RFX3: variants seen among roughly 807,000 people sequenced by gnomAD.
The protein encoded by RFX3 is regulatory factor X3.
Under a neutral mutation model 98.6 loss-of-function variants are expected in RFX3, and 14 were observed. That is an observed-to-expected ratio of 0.14 (90% CI 0.09 to 0.22). RFX3 has a LOEUF of 0.22. Among genes scored for constraint, RFX3 ranks in the 10% least tolerant of loss-of-function variants. The probability of loss-of-function intolerance (pLI) is 1.00; values close to 1 mark genes in which losing one functional copy is unlikely to be tolerated. For synonymous variants in RFX3, 383 were observed against 328.4 expected (o/e 1.17, Z -1.80); for missense variants, 639 against 926.9 (o/e 0.69, Z 4.03).
Position 3,400,823 on chromosome 9 carries a change from G to A in RFX3, c.-8-5227C>T, listed in dbSNP as rs545522263. ...TTCAGAAGAACCCCCTGATGGAGGT[G>A]TTATCCCCATTTAACAAATAAAGAA... On this transcript the variant is annotated intron_variant, in intron 1 of 16. Coordinates refer to ENST00000617270, the MANE Select transcript of RFX3 (RefSeq NM_001282116.2). Among the ~76,000 whole-genome samples, 4 of 152,270 alleles carry A rather than the reference G, an allele frequency of 2.6e-5. No individual in the cohort carries two copies. In the South Asian group the frequency reaches 8.3e-4, roughly 32 times the overall value.
chr9:3,520,176 A>T (rs914213668), intron 1 of RFX3, among the ~76,000 whole-genome samples: 1 of 152,208 alleles, frequency 6.6e-6, no homozygotes. Flanking sequence ...TTAAAGAAAA[A>T]TGCCTAACCT....
At chr9:3,260,901 T>C (rs769582852) in intron 13 of RFX3, among the ~76,000 whole-genome samples, 12 of 150,082 alleles carry the variant, frequency 8.0e-5, no homozygotes, top group African/African-American at 2.9e-4. Context: ...TAGATAGATA[T>C]AGATCTCTCT....
intron 2 of RFX3, among the ~76,000 whole-genome samples, chr9:3,348,773 C>CT (rs145107393): frequency 6.6e-6 from 1 of 151,996 alleles, no homozygotes; most frequent in African/African-American, 2.4e-5. Context: ...TCCTAGCAAT[C>CT]TTTTTTTCTT....
intron 1 of RFX3, among the ~76,000 whole-genome samples, chr9:3,473,270 C>T (rs1848943303): frequency 1.3e-5 from 2 of 152,178 alleles, no homozygotes; most frequent in South Asian, 2.1e-4. Context: ...CAAGTATTAG[C>T]TGCTACAGAG....
intron 2 of RFX3, among the ~76,000 whole-genome samples, chr9:3,365,078 G>C (rs529388380): frequency 6.6e-5 from 10 of 152,062 alleles, no homozygotes; most frequent in Non-Finnish European, 1.3e-4. Flanking sequence ...GGGACAGGTG[G>C]ATCACAAGGT....
At chr9:3,512,554 AAAT>A (rs1375513538) in intron 1 of RFX3, among the ~76,000 whole-genome samples, 1 of 151,932 alleles carries the variant, frequency 6.6e-6, no homozygotes, top group African/African-American at 2.4e-5. Context: ...TGTAATAATA[AAAT>A]AATTACAAGA....
intron 1 of RFX3, among the ~76,000 whole-genome samples, 193 bp from the exon 2 acceptor site, chr9:3,395,789 T>C (rs1353665148): frequency 1.3e-5 from 2 of 152,154 alleles, no homozygotes; most frequent in East Asian, 3.8e-4. Context: ...CTAATCCACA[T>C]TCTTTAAAAA....
intron 15 of RFX3, among the ~76,000 whole-genome samples, chr9:3,244,130 G>A (rs1375124733): frequency 5.3e-5 from 8 of 151,830 alleles, no homozygotes; most frequent in Non-Finnish European, 1.2e-4. Context: ...AGCCTCCCGA[G>A]TAGCTGGGAC....
chr9:3,232,799 AG>A (rs1358926611), intron 15 of RFX3, among the ~76,000 whole-genome samples: 1 of 143,510 alleles, frequency 7.0e-6, no homozygotes, highest in Non-Finnish European at 1.5e-5. Context: ...AGAGAGAGAG[AG>A]AAATGGGATG....
intron 1 of RFX3, among the ~76,000 whole-genome samples, chr9:3,425,102 G>A (rs1587630107): frequency 6.6e-6 from 1 of 152,242 alleles, no homozygotes; most frequent in East Asian, 1.9e-4. Context: ...GCCAGGCATG[G>A]TGGCCCACAT....
At chr9:3,340,967 C>T (rs1215490225) in intron 3 of RFX3, among the ~76,000 whole-genome samples, 7 of 152,204 alleles carry the variant, frequency 4.6e-5, no homozygotes, top group East Asian at 3.9e-4. Context: ...ATGTTTATTG[C>T]GGCACTATTC....
At chr9:3,267,499 T>C (rs1456511828) in intron 11 of RFX3, among the ~76,000 whole-genome samples, 1 of 151,940 alleles carries the variant, frequency 6.6e-6, no homozygotes, top group Admixed American at 6.6e-5. Context: ...ACAATATAAA[T>C]TTTCCCATTC....
intron 2 of RFX3, among the ~76,000 whole-genome samples, chr9:3,387,027 G>A (rs1776389107): frequency 6.6e-6 from 1 of 152,070 alleles, no homozygotes. Flanking sequence ...TTCACAGATT[G>A]CCTTATTTCA....
chr9:3,439,339 A>G (rs375502528), intron 1 of RFX3, among the ~76,000 whole-genome samples: 8 of 151,960 alleles, frequency 5.3e-5, no homozygotes, highest in African/African-American at 1.9e-4. Context: ...TCATTGAAAT[A>G]GAAAACAGAA....
chr9:3,437,761 T>C (rs1845275492), intron 1 of RFX3, among the ~76,000 whole-genome samples: 1 of 152,024 alleles, frequency 6.6e-6, no homozygotes, highest in Admixed American at 6.6e-5. Flanking sequence ...ATCTCTCCTT[T>C]CACCCTTCTT....
intron 4 of RFX3, among the ~76,000 whole-genome samples, chr9:3,315,341 A>C (rs1172089631): frequency 6.6e-6 from 1 of 152,248 alleles, no homozygotes; most frequent in Non-Finnish European, 1.5e-5. Context: ...CAAAGACACA[A>C]CATACCAGAA....
intron 15 of RFX3, chr9:3,247,776 A>G: frequency 6.3e-7 from 1 of 1,589,416 alleles, no homozygotes; most frequent in Non-Finnish European, 8.5e-7. Flanking sequence ...TTTCTTTTAC[A>G]TAGGTACCTG....
At chr9:3,270,947 T>G (rs529224767) in intron 10 of RFX3, 56 bp downstream of exon 10, 1 of 1,611,562 alleles carries the variant, frequency 6.2e-7, no homozygotes, top group Admixed American at 1.7e-5. Flanking sequence ...TCTAATTTAT[T>G]AGTTGTGACA....
chr9:3,270,985 A>G lies in RFX3; in HGVS notation c.1202+18T>C, dbSNP rs770280114. On this transcript the variant is annotated intron_variant, in intron 10 of 16. Transcript: ENST00000617270. ...TACTCAGCCATGAAAATGAATTGGA[A>G]AAGATGTTGATTCTGACCTCGATTC... 6.2e-7 allele frequency: 1 copy of G among 1,613,678 alleles called. No homozygotes were observed. The highest frequency in any genetic ancestry group is 1.1e-5 in the South Asian group (1 of 91,070).
Sources: gnomAD v4.1 joint callset for allele counts (sites outside exome capture counted in the v4.1 genomes callset) on GRCh38, gnomAD v4.1.1 for gene constraint, MANE v1.5 for transcripts, NCBI Gene and HGNC (gene_info 2026-07-23, HGNC 2026-07-21) for gene names.